AIG1: variants seen among roughly 807,000 people sequenced by gnomAD.
The protein encoded by AIG1 is androgen-induced gene 1 protein.
A neutral mutation model predicts 31.4 loss-of-function variants in AIG1; 23 were observed. That is an observed-to-expected ratio of 0.73 (90% CI 0.53 to 1.04). The LOEUF is 1.04. Ranked by LOEUF, AIG1 falls within the 50% of genes least tolerant of loss-of-function variation. The pLI is 0.00. For missense variants in AIG1, 274 were observed against 295.0 expected, an observed-to-expected ratio of 0.93 and a Z score of 0.52; for synonymous variants, 100 against 110.5, an observed-to-expected ratio of 0.90 and a Z score of 0.60.
intron 2 of AIG1, chr6:143,164,862 A>G (rs1347023722): frequency 4.9e-6 from 2 of 409,074 alleles, no homozygotes; most frequent in African/African-American, 4.1e-5. Flanking sequence ...CTTTGCCTGA[A>G]AGAACACCAT....
At position 143,297,334 on chromosome 6, in the gene AIG1, C is replaced by T. The variant is rs1294575532; in HGVS notation, c.515+13109C>T. On this transcript the variant is annotated intron_variant, in intron 4 of 5. Coordinates refer to ENST00000357847, the MANE Select transcript of AIG1 (RefSeq NM_016108.4). The surrounding 1 kb of genome is among the most constrained non-coding windows in gnomAD (Gnocchi z 5.1). Reference sequence around the variant, plus strand: ...CTGGACCCATTGACATTTTGCCCTCCTCCTGTCACTGCAATATATATTCCA... The same window carrying T: ...CTGGACCCATTGACATTTTGCCCTCTTCCTGTCACTGCAATATATATTCCA... Among the ~76,000 whole-genome samples the T allele has an allele frequency of 1.3e-5, 2 of 152,212 alleles. No individual in the cohort carries two copies. The highest frequency in any genetic ancestry group is 4.8e-5 in the African/African-American group (2 of 41,456).
chr6:143,304,368 T>C (rs375404465), intron 4 of AIG1, among the ~76,000 whole-genome samples: 18,295 of 149,186 alleles, frequency 0.12, 733 homozygotes, highest in East Asian at 0.31. Flanking sequence ...GGGTTTGTCA[T>C]AGATAGCTCT....
chr6:143,150,197 G>A (rs949124976), intron 2 of AIG1, among the ~76,000 whole-genome samples: 7 of 152,122 alleles, frequency 4.6e-5, no homozygotes, highest in African/African-American at 1.7e-4. Context: ...TGTCACTCAG[G>A]CAAACACTCT....
intron 1 of AIG1, among the ~76,000 whole-genome samples, chr6:143,110,565 G>A (rs1434588156): frequency 6.6e-6 from 1 of 152,204 alleles, no homozygotes; most frequent in Non-Finnish European, 1.5e-5. Context: ...TCAGTAGAGA[G>A]CTGCTTCCAG....
rs998977844 is a variant in AIG1 at position 143,340,915 on chromosome 6, C to T, written c.*1239C>T. ...AGAGAGATCAACAAATGATATAAAA[C>T]CATTCACTCCAAAATTATAATTACA... is the stretch of plus-strand genomic sequence containing the variant. On this transcript the variant is annotated 3_prime_UTR_variant, in exon 6 of 6. Coordinates refer to ENST00000357847, the MANE Select transcript of AIG1 (RefSeq NM_016108.4). Among the ~76,000 whole-genome samples the T allele has an allele frequency of 2.6e-5, 4 of 151,804 alleles. No individual in the cohort carries two copies. The highest frequency in any genetic ancestry group is 5.9e-5 in the Non-Finnish European group (4 of 67,974).
At chr6:143,084,192 T>C (rs1408356690) in intron 1 of AIG1, among the ~76,000 whole-genome samples, 1 of 152,170 alleles carries the variant, frequency 6.6e-6, no homozygotes, top group African/African-American at 2.4e-5. Flanking sequence ...TATGGGCTGG[T>C]GCTTGCCCCG....
Position 143,061,012 on chromosome 6 carries a change from G to T in AIG1, c.87G>T (p.Met29Ile). ...SILCNYKAIE[M>I]PSHQTYGGSW... is the part of the protein sequence containing the mutation. ...TGTGTAACTACAAGGCCATCGAAATGCCCTCACACCAGACCTACGGAGGGA... is the reference window on the plus strand; with the variant it reads ...TGTGTAACTACAAGGCCATCGAAATTCCCTCACACCAGACCTACGGAGGGA... The change falls in exon 1 of 6, where the codon ATG (methionine) becomes ATT (isoleucine). Residue 29 changes from methionine (M) to isoleucine (I), a missense_variant. Physicochemically the swap from Met to Ile is conservative, Grantham distance 10. This residue lies in a region of AIG1 where 243 missense variants were observed against 238.5 expected (regional missense o/e 1.02). Transcript: ENST00000357847. 1 of 1,613,562 alleles carries T rather than the reference G, an allele frequency of 6.2e-7. No homozygotes were observed. Among genetic ancestry groups the T allele is most frequent in the Non-Finnish European group, 8.5e-7 (1 of 1,179,844 alleles).
intron 4 of AIG1, among the ~76,000 whole-genome samples, chr6:143,290,412 C>T (rs890797725): frequency 6.6e-6 from 1 of 152,236 alleles, no homozygotes; most frequent in Non-Finnish European, 1.5e-5. Context: ...CCCACATGCA[C>T]AGTGGCCTGC....
intron 3 of AIG1, among the ~76,000 whole-genome samples, chr6:143,235,020 T>C (rs1002120360): frequency 1.3e-5 from 2 of 152,184 alleles, no homozygotes; most frequent in African/African-American, 4.8e-5. Context: ...TACATAGCCC[T>C]GCATGCATGC....
At chr6:143,253,533 C>T (rs754084201) in intron 3 of AIG1, among the ~76,000 whole-genome samples, 4 of 152,170 alleles carry the variant, frequency 2.6e-5, no homozygotes, top group African/African-American at 4.8e-5. Context: ...TTTATACCTC[C>T]GCCATCAGTA....
Position 143,136,840 on chromosome 6 carries a change from C to T in AIG1, c.147C>T (p.Ile49=). The T allele has an allele frequency of 7.0e-7, 1 of 1,424,054 alleles. No individual in the cohort carries two copies. The highest frequency in any genetic ancestry group is 9.3e-7 in the Non-Finnish European group (1 of 1,070,756). 88.2% of individuals were successfully genotyped at this position (1,424,054 alleles called of 1,614,324 possible). A position where few individuals can be genotyped will look rare whatever the true frequency, so the allele number is the denominator to read the frequency against. The change falls in exon 2 of 6, where the codon ATC becomes ATT. Residue 49 remains isoleucine, a synonymous_variant. Transcript: ENST00000357847. The part of the protein sequence containing the change: ...WKFLTFIDLV[I]QAVFFGICVL... The stretch of plus-strand genomic sequence containing the variant: ...CGGCTGTTGTCCCCCTACAGGTTAT[C>T]CAGGCTGTCTTTTTTGGCATCTGTG...
chr6:143,252,968 C>T (rs1795118423), intron 3 of AIG1, among the ~76,000 whole-genome samples: 2 of 152,176 alleles, frequency 1.3e-5, no homozygotes, highest in Non-Finnish European at 2.9e-5. Flanking sequence ...GAGGATGCCC[C>T]TTCAGTTCTT....
At chr6:143,343,330 T>C, downstream of AIG1, 1 of 604,472 alleles carries the variant, frequency 1.7e-6, no homozygotes, top group South Asian at 1.4e-5. Context: ...CTAGTGAAAA[T>C]CTGGCATGAA....
chr6:143,299,156 A>C lies in AIG1; in HGVS notation c.515+14931A>C, dbSNP rs1456449698. 1 of 152,244 alleles carries C rather than the reference A, an allele frequency of 6.6e-6. No homozygotes were observed. Among genetic ancestry groups the C allele is most frequent in the African/African-American group, 2.4e-5 (1 of 41,442 alleles). 9.4% of individuals were successfully genotyped at this position (152,244 alleles called of 1,614,324 possible). On this transcript the variant is annotated intron_variant, in intron 4 of 5. Transcript: ENST00000357847. This position sits in a 1 kb window ranked among gnomAD's most constrained non-coding sequence, Gnocchi z 4.1. Reference sequence around the variant, plus strand: ...TGATCAACTGACTGTGAGGGAGCTTAGTGGTCTTCTCCAGGGTAGATGGTA... The same window carrying C: ...TGATCAACTGACTGTGAGGGAGCTTCGTGGTCTTCTCCAGGGTAGATGGTA...
At chr6:143,243,868 C>T (rs563479114) in intron 3 of AIG1, among the ~76,000 whole-genome samples, 1 of 152,254 alleles carries the variant, frequency 6.6e-6, no homozygotes, top group East Asian at 1.9e-4. Flanking sequence ...CCTCATCTCC[C>T]CTCCTGCTGC....
At chr6:143,342,169 C>T (rs1385260738), downstream of AIG1, 6 of 569,012 alleles carry the variant, frequency 1.1e-5, no homozygotes, top group South Asian at 3.7e-5. Context: ...GGTGATCACC[C>T]GCCTTGGCCT....
intron 1 of AIG1, among the ~76,000 whole-genome samples, chr6:143,063,257 T>C (rs1776412120): frequency 6.6e-6 from 1 of 152,232 alleles, no homozygotes. Flanking sequence ...CAGGACTTTT[T>C]CTATCCCAGA....
rs1777070216 is a variant in AIG1 at position 143,331,546 on chromosome 6, T to G, written c.516-1736T>G. Among the ~76,000 whole-genome samples, 2 of 152,198 alleles carry G rather than the reference T, an allele frequency of 1.3e-5. No homozygotes were observed. Among genetic ancestry groups the G allele is most frequent in the Non-Finnish European group, 2.9e-5 (2 of 68,038 alleles). ...GCATGTATCAACATTTTACTCCTCT[T>G]TATGGCTGAGTAATATTCCATTGCA... On this transcript the variant is annotated intron_variant, in intron 4 of 5. Coordinates refer to ENST00000357847, the MANE Select transcript of AIG1 (RefSeq NM_016108.4). This position sits in a 1 kb window ranked among gnomAD's most constrained non-coding sequence, Gnocchi z 4.1.
chr6:143,073,922 C>A (rs1777515196), intron 1 of AIG1, among the ~76,000 whole-genome samples: 2 of 152,202 alleles, frequency 1.3e-5, no homozygotes, highest in South Asian at 4.1e-4. Context: ...TCGCACCAGG[C>A]CTCACCTCCA....
Sources: allele counts gnomAD v4.1 joint callset (sites outside exome capture counted in the v4.1 genomes callset), GRCh38; gene constraint gnomAD v4.1.1; regional missense constraint gnomAD v4.1.1; non-coding constraint Gnocchi (gnomAD v3.1); transcripts MANE v1.5; gene names NCBI Gene and HGNC (gene_info 2026-07-23, HGNC 2026-07-21).